Variants in BCAP31 observed in about 807,000 individuals in gnomAD.
The protein encoded by BCAP31 is B cell receptor associated protein 31.
For missense variants in BCAP31, 124 were observed against 193.0 expected (o/e 0.64, Z 2.12); for synonymous variants, 75 against 80.9 (o/e 0.93, Z 0.39).
At chrX:153,714,968 C>T (rs1279932914) in intron 4 of BCAP31, among the ~76,000 whole-genome samples, 2 of 111,538 alleles carry the variant, frequency 1.8e-5, no homozygotes, top group Non-Finnish European at 1.9e-5. Context: ...TCGTAGTGGT[C>T]TAGTTTTGCC....
chrX:153,722,773 A>C (rs899956028), intron 2 of BCAP31, among the ~76,000 whole-genome samples: 3 of 111,573 alleles, frequency 2.7e-5, no homozygotes, highest in Non-Finnish European at 3.8e-5. Context: ...GGAGGACAAG[A>C]GTCACCAAAT....
At chrX:153,708,112 T>C (rs1429975345) in intron 4 of BCAP31, among the ~76,000 whole-genome samples, 2 of 112,956 alleles carry the variant, frequency 1.8e-5, no homozygotes, top group Admixed American at 1.9e-4. Flanking sequence ...AGAATCCAGA[T>C]GTGGCCTTGG....
At chrX:153,722,967 T>C (rs1326499467) in intron 2 of BCAP31, among the ~76,000 whole-genome samples, 186 bp downstream of exon 2, 11 of 110,158 alleles carry the variant, frequency 1.0e-4, no homozygotes, top group Admixed American at 9.6e-4. Context: ...GAGCAAGTCA[T>C]GACGAAGCAG....
chrX:153,722,946 G>A (rs1242350590), intron 2 of BCAP31, among the ~76,000 whole-genome samples: 1 of 110,533 alleles, frequency 9.0e-6, no homozygotes, highest in Non-Finnish European at 1.9e-5. Flanking sequence ...GGGGACACAG[G>A]AAAAGGAACT....
chrX:153,719,059 A>T (rs1312863398), intron 3 of BCAP31, among the ~76,000 whole-genome samples: 2 of 112,110 alleles, frequency 1.8e-5, no homozygotes, highest in African/African-American at 3.2e-5. Flanking sequence ...CATCATGGCC[A>T]TATGTCCCCC....
At chrX:153,710,881 C>T (rs1178101655) in intron 4 of BCAP31, among the ~76,000 whole-genome samples, 1 of 111,753 alleles carries the variant, frequency 8.9e-6, no homozygotes, top group Non-Finnish European at 1.9e-5. Flanking sequence ...TCCTTCTGCT[C>T]CCCGATCTTC....
At chrX:153,704,617 G>A (rs1174626102) in intron 4 of BCAP31, among the ~76,000 whole-genome samples, 4 of 111,999 alleles carry the variant, frequency 3.6e-5, no homozygotes, top group Non-Finnish European at 7.5e-5. Flanking sequence ...TGTACCCAAG[G>A]CCAAAAACCA....
chrX:153,701,937 C>T lies in BCAP31; in HGVS notation c.702+70G>A, dbSNP rs181164870. 5.7e-6 allele frequency: 6 copies of T among 1,049,030 alleles called. No homozygotes were observed. In the South Asian group the frequency reaches 6.4e-5, roughly 11 times the overall value. 86.5% of individuals were successfully genotyped at this position (1,049,030 alleles called of 1,213,427 possible). On this transcript the variant is annotated intron_variant, in intron 7 of 7. Transcript: ENST00000345046. ...CCCTGGGCCCCTGGAAGGTTCCCTCCGCACCCGCAGGGGCTGCCTCATCCT... is the reference window on the plus strand; with the variant it reads ...CCCTGGGCCCCTGGAAGGTTCCCTCTGCACCCGCAGGGGCTGCCTCATCCT...
intron 4 of BCAP31, among the ~76,000 whole-genome samples, chrX:153,713,064 G>A (rs2091603398): frequency 1.8e-5 from 2 of 111,471 alleles, no homozygotes; most frequent in Non-Finnish European, 3.8e-5. Flanking sequence ...AAAATTAGCA[G>A]GGCATGGTGG....
chrX:153,709,166 G>A (rs2091573880), intron 4 of BCAP31, among the ~76,000 whole-genome samples: 1 of 110,916 alleles, frequency 9.0e-6, no homozygotes, highest in East Asian at 3.6e-4. Context: ...GAGAGCAACC[G>A]ACTGAGGTAA....
At chrX:153,719,254 T>C (rs1239785973) in intron 3 of BCAP31, among the ~76,000 whole-genome samples, 1 of 111,202 alleles carries the variant, frequency 9.0e-6, no homozygotes, top group Non-Finnish European at 1.9e-5. Flanking sequence ...TCCCCAGTTA[T>C]TACCCCCACC....
chrX:153,723,273 G>A lies in BCAP31; in HGVS notation c.-29C>T. The stretch of plus-strand genomic sequence containing the variant: ...GTTGCTAGAAGGTTTCCCACAGGAA[G>A]ATGTGAGCTTGTTTCCTGGCAGGGC... On this transcript the variant is annotated 5_prime_UTR_variant, in exon 2 of 8. Transcript: ENST00000345046. 3 of 1,202,924 alleles carry A rather than the reference G, an allele frequency of 2.5e-6. No homozygotes were observed. The highest frequency in any genetic ancestry group is 3.4e-6 in the Non-Finnish European group (3 of 890,601).
At chrX:153,713,880 TC>T (rs1557049589) in intron 4 of BCAP31, among the ~76,000 whole-genome samples, 10 of 101,557 alleles carry the variant, frequency 9.8e-5, no homozygotes, top group African/African-American at 3.9e-4. Context: ...CCGATACTAT[TC>T]TTTTTTTTTT....
intron 2 of BCAP31, among the ~76,000 whole-genome samples, chrX:153,722,615 G>A (rs1368446160): frequency 1.8e-5 from 2 of 112,001 alleles, no homozygotes; most frequent in African/African-American, 6.5e-5. Context: ...ATTTAAATAG[G>A]GATGTGTTCA....
At chrX:153,721,166 T>C (rs2091662806) in intron 2 of BCAP31, 194 bp from the exon 3 acceptor site, 1 of 411,093 alleles carries the variant, frequency 2.4e-6, no homozygotes, top group Admixed American at 4.2e-5. Flanking sequence ...CCAGGTGCAA[T>C]GGCTCACACC....
Position 153,704,052 on chromosome X carries a change from C to T in BCAP31, c.384G>A (p.Thr128=), listed in dbSNP as rs150827588. The T allele has an allele frequency of 4.6e-4, 559 of 1,209,426 alleles. 9 individuals are homozygous for T. The Middle Eastern group carries it at 0.029, about 63-fold the overall frequency. The part of the protein sequence containing the change: ...RLVTLISQQA[T]LLASNEAFKK... ...TAAAGGCTTCATTGGAGGCCAGCAG[C>T]GTGGCCTGCTGCGAAATGAGAGTCA... is the stretch of plus-strand genomic sequence containing the variant. The change falls in exon 5 of 8, where the codon ACG becomes ACA. Residue 128 remains threonine, a synonymous_variant. Transcript: ENST00000345046.
At chrX:153,705,642 C>T (rs2091549210) in intron 4 of BCAP31, among the ~76,000 whole-genome samples, 2 of 112,622 alleles carry the variant, frequency 1.8e-5, no homozygotes, top group African/African-American at 3.2e-5. Context: ...TGACTCACAT[C>T]GGCATGGCCA....
chrX:153,717,109 G>A (rs890906214), intron 3 of BCAP31, among the ~76,000 whole-genome samples: 2 of 111,959 alleles, frequency 1.8e-5, no homozygotes, highest in Non-Finnish European at 3.8e-5. Context: ...CTCTCCCAAA[G>A]TAGACTACAA....
intron 5 of BCAP31, among the ~76,000 whole-genome samples, chrX:153,703,654 G>A (rs1232699107): frequency 4.4e-5 from 5 of 112,637 alleles, no homozygotes; most frequent in East Asian, 5.6e-4. Context: ...GAGGGCCTTC[G>A]GATCACAGCA....
Sources: gnomAD v4.1 joint callset for allele counts (sites outside exome capture counted in the v4.1 genomes callset) on GRCh38, gnomAD v4.1.1 for gene constraint, MANE v1.5 for transcripts, NCBI Gene and HGNC (gene_info 2026-07-23, HGNC 2026-07-21) for gene names.